Variants in CHCHD3 observed in about 807,000 individuals in gnomAD.
The protein encoded by CHCHD3 is MICOS complex subunit MIC19.
In CHCHD3, 20 loss-of-function variants were observed where a neutral mutation model predicts 38.2. The ratio of observed to expected loss-of-function variants is 0.52; its 90% confidence interval spans 0.37 to 0.76. CHCHD3 has a LOEUF of 0.76. Ranked by LOEUF, CHCHD3 falls within the 30% of genes least tolerant of loss-of-function variation. CHCHD3 has a pLI of 0.00. For synonymous variants in CHCHD3, 82 were observed against 100.0 expected, an observed-to-expected ratio of 0.82 and a Z score of 1.07; for missense variants, 245 against 279.2, an observed-to-expected ratio of 0.88 and a Z score of 0.87.
chr7:132,835,530 T>C (rs949437892), intron 6 of CHCHD3, among the ~76,000 whole-genome samples: 1 of 152,210 alleles, frequency 6.6e-6, no homozygotes, highest in Non-Finnish European at 1.5e-5. Context: ...ATGTCAACGT[T>C]GTGCTTCCCG....
At chr7:132,874,702 A>G (rs1052099931) in intron 5 of CHCHD3, among the ~76,000 whole-genome samples, 1 of 152,182 alleles carries the variant, frequency 6.6e-6, no homozygotes, top group African/African-American at 2.4e-5. Context: ...AAGATCAAGG[A>G]GAAACCCCAC....
At chr7:132,832,999 T>G (rs763391946) in intron 6 of CHCHD3, among the ~76,000 whole-genome samples, 1 of 152,244 alleles carries the variant, frequency 6.6e-6, no homozygotes, top group East Asian at 1.9e-4. Context: ...CAGAGATTTC[T>G]CCGATAGCAC....
At chr7:132,997,211 G>A (rs532592716) in intron 3 of CHCHD3, among the ~76,000 whole-genome samples, 43 of 152,040 alleles carry the variant, frequency 2.8e-4, no homozygotes, top group Non-Finnish European at 5.4e-4. Flanking sequence ...TTGAAAGAAC[G>A]GCTGTAGGTG....
intron 5 of CHCHD3, among the ~76,000 whole-genome samples, chr7:132,839,121 G>C (rs1351947484): frequency 6.6e-6 from 1 of 152,024 alleles, no homozygotes; most frequent in East Asian, 1.9e-4. Flanking sequence ...GAACCCGGGA[G>C]GTGGAGGTTG....
At chr7:133,068,743 CA>C (rs1249335422) in intron 2 of CHCHD3, among the ~76,000 whole-genome samples, 2 of 152,138 alleles carry the variant, frequency 1.3e-5, no homozygotes, top group African/African-American at 4.8e-5. Flanking sequence ...GACTAGCTAA[CA>C]GTCTGATGTA....
chr7:132,876,456 C>T (rs1383999331), intron 5 of CHCHD3, among the ~76,000 whole-genome samples: 5 of 152,108 alleles, frequency 3.3e-5, no homozygotes, highest in African/African-American at 1.2e-4. Context: ...TATTTCTTAC[C>T]TTGTCTTTAC....
chr7:133,040,222 C>A (rs1446286872), intron 2 of CHCHD3, among the ~76,000 whole-genome samples: 1 of 152,096 alleles, frequency 6.6e-6, no homozygotes, highest in Non-Finnish European at 1.5e-5. Context: ...AGAGCAGAAG[C>A]CTATAGCTGC....
intron 5 of CHCHD3, among the ~76,000 whole-genome samples, chr7:132,859,435 C>T (rs1194332054): frequency 6.6e-6 from 1 of 152,094 alleles, no homozygotes; most frequent in Non-Finnish European, 1.5e-5. Flanking sequence ...GAAAAATTGG[C>T]TAACAAGTCA....
chr7:132,866,070 T>G (rs1251963481), intron 5 of CHCHD3, among the ~76,000 whole-genome samples: 2 of 152,188 alleles, frequency 1.3e-5, no homozygotes, highest in Non-Finnish European at 2.9e-5. Flanking sequence ...ACAGGAACCA[T>G]TTCCAATCTA....
intron 6 of CHCHD3, among the ~76,000 whole-genome samples, chr7:132,822,241 AT>A (rs1321087292): frequency 3.3e-5 from 5 of 152,132 alleles, no homozygotes; most frequent in African/African-American, 9.7e-5. Flanking sequence ...CCAAAGGACA[AT>A]TTTTTGCTCT....
At chr7:132,886,614 A>C (rs1490503325) in intron 4 of CHCHD3, among the ~76,000 whole-genome samples, 1 of 151,528 alleles carries the variant, frequency 6.6e-6, no homozygotes, top group Admixed American at 6.6e-5. Flanking sequence ...ACTACAACTT[A>C]TAAGAAAGTG....
chr7:133,032,594 C>G (rs771965057), intron 2 of CHCHD3, among the ~76,000 whole-genome samples: 1 of 152,216 alleles, frequency 6.6e-6, no homozygotes, highest in Non-Finnish European at 1.5e-5. Flanking sequence ...GAAACTAGCT[C>G]CATGTTCCAT....
At chr7:132,853,446 C>T (rs904687139) in intron 5 of CHCHD3, among the ~76,000 whole-genome samples, 8 of 152,040 alleles carry the variant, frequency 5.3e-5, no homozygotes, top group South Asian at 2.1e-4. Flanking sequence ...CATGGTGAAA[C>T]CCCGTCTCTA....
At chr7:132,930,763 A>C (rs1214099069) in intron 4 of CHCHD3, among the ~76,000 whole-genome samples, 1 of 152,092 alleles carries the variant, frequency 6.6e-6, no homozygotes, top group Non-Finnish European at 1.5e-5. Context: ...AGTAGAACCC[A>C]TGTTCTCCCA....
intron 2 of CHCHD3, among the ~76,000 whole-genome samples, chr7:133,049,838 TCC>T (rs1183164054): frequency 1.9e-4 from 29 of 152,206 alleles, no homozygotes; most frequent in Admixed American, 1.9e-3. Context: ...TACTCCATAA[TCC>T]ACACTTCCAC....
intron 6 of CHCHD3, among the ~76,000 whole-genome samples, chr7:132,825,244 A>T (rs1435543728): frequency 2.0e-5 from 3 of 152,168 alleles, no homozygotes; most frequent in Non-Finnish European, 4.4e-5. Context: ...TAATATCTTT[A>T]AAAAAATAGA....
chr7:132,999,346 G>C (rs1035702101), intron 3 of CHCHD3, among the ~76,000 whole-genome samples: 1 of 152,150 alleles, frequency 6.6e-6, no homozygotes, highest in African/African-American at 2.4e-5. Flanking sequence ...AATGATTATT[G>C]TGGAATCCAA....
chr7:133,048,420 T>C (rs1814058147), intron 2 of CHCHD3, among the ~76,000 whole-genome samples: 1 of 151,894 alleles, frequency 6.6e-6, no homozygotes, highest in African/African-American at 2.4e-5. Flanking sequence ...GTAATCAGAG[T>C]TCCATAGGGA....
intron 4 of CHCHD3, among the ~76,000 whole-genome samples, chr7:132,948,841 A>C (rs1036026199): frequency 9.9e-5 from 15 of 152,164 alleles, no homozygotes; most frequent in Non-Finnish European, 1.9e-4. Flanking sequence ...TTTTCTCTTA[A>C]AAGATTCAAA....
Sources: gnomAD v4.1 joint callset for allele counts (sites outside exome capture counted in the v4.1 genomes callset) on GRCh38, gnomAD v4.1.1 for gene constraint, MANE v1.5 for transcripts, NCBI Gene and HGNC (gene_info 2026-07-23, HGNC 2026-07-21) for gene names.